KDM5B: variants seen among roughly 807,000 people sequenced by gnomAD.
KDM5B encodes the protein lysine demethylase 5B.
KDM5B carries 144 observed loss-of-function variants against 193.4 expected under a neutral mutation model. The ratio of observed to expected loss-of-function variants is 0.74; its 90% CI spans 0.65 to 0.86. The LOEUF (loss-of-function observed/expected upper bound fraction) is 0.86. Among genes scored for constraint, KDM5B ranks in the 40% least tolerant of loss-of-function variants. The pLI is 0.00. For synonymous variants in KDM5B, 668 were observed against 682.6 expected, an observed-to-expected ratio of 0.98 and a Z score of 0.33; for missense variants, 1,833 against 1,886.9, an observed-to-expected ratio of 0.97 and a Z score of 0.53.
At chr1:202,799,489 A>G (rs1216097843) in intron 1 of KDM5B, among the ~76,000 whole-genome samples, 1 of 152,054 alleles carries the variant, frequency 6.6e-6, no homozygotes, top group Non-Finnish European at 1.5e-5. Flanking sequence ...CCCCATCTCT[A>G]CTAAAAATAC....
In KDM5B at chr1:202,740,850, T is replaced by C. The variant is rs1314784594; in HGVS notation, c.2946-38A>G. 3.2e-6 allele frequency: 5 copies of C among 1,564,108 alleles called. No homozygotes were observed. In the Admixed American group the frequency reaches 9.2e-5, roughly 29 times the overall value. On this transcript the variant is annotated intron_variant, in intron 19 of 26. Coordinates refer to ENST00000367265, the MANE Select transcript of KDM5B (RefSeq NM_006618.5). ...AACAAAGACTTCTTAGCATTTTATA[T>C]GATGGTTCATTTTTCTTATGGTTAC...
intron 1 of KDM5B, among the ~76,000 whole-genome samples, chr1:202,786,713 T>C (rs1212640010): frequency 6.6e-6 from 1 of 152,224 alleles, no homozygotes; most frequent in Non-Finnish European, 1.5e-5. Context: ...TTTAAAATAA[T>C]TTTAATACAA....
At chr1:202,732,026 A>C in intron 23 of KDM5B, 87 bp from the exon 24 acceptor site, 9 of 670,852 alleles carry the variant, frequency 1.3e-5, no homozygotes, top group Non-Finnish European at 1.7e-5. Flanking sequence ...TGCATTACCC[A>C]GGCAGGCAAC....
At chr1:202,749,898 A>C (rs1231940606) in intron 13 of KDM5B, among the ~76,000 whole-genome samples, 4 of 152,220 alleles carry the variant, frequency 2.6e-5, no homozygotes, top group Non-Finnish European at 5.9e-5. Flanking sequence ...AACACCACTT[A>C]ATCTAGAACT....
chr1:202,790,324 C>T lies in KDM5B; in HGVS notation c.205-13230G>A, dbSNP rs978368416. Among the ~76,000 whole-genome samples the T allele has an allele frequency of 2.0e-5, 3 of 152,226 alleles. No individual in the cohort carries two copies. The East Asian group carries it at 5.8e-4, about 29-fold the overall frequency. ...CAAGGGCAGTGGCTCACGCTTGTAA[C>T]CTCAGCACTTTTGGAGGCCAACCAA... On this transcript the variant is annotated intron_variant, in intron 1 of 26. Transcript: ENST00000367265.
In KDM5B at chr1:202,727,499, TTATTA is replaced by T. The variant is rs1292986511; in HGVS notation, c.*1532_*1536del. ...ACAAACTGCTGTTTTTGTTGTTGTTTTATTAAAGACCCACCAGTTTTACTCATCTT... is the reference window on the plus strand; with the variant it reads ...ACAAACTGCTGTTTTTGTTGTTGTTTAAGACCCACCAGTTTTACTCATCTT... On this transcript the variant is annotated 3_prime_UTR_variant, in exon 27 of 27. Coordinates refer to ENST00000367265, the MANE Select transcript of KDM5B (RefSeq NM_006618.5). The T allele has an allele frequency of 6.6e-6, 1 of 152,654 alleles. No individual in the cohort carries two copies. The allele number at this position is 152,654 out of a possible 1,614,324, so 9.5% of individuals were successfully genotyped here.
intron 1 of KDM5B, among the ~76,000 whole-genome samples, chr1:202,799,149 G>A (rs1657972362): frequency 1.3e-5 from 2 of 152,192 alleles, no homozygotes; most frequent in Admixed American, 1.3e-4. Context: ...TGGGATTTAA[G>A]CTCCTTGCAA....
chr1:202,807,768 GA>G (rs1288234442), intron 1 of KDM5B, among the ~76,000 whole-genome samples: 1 of 151,390 alleles, frequency 6.6e-6, no homozygotes, highest in Non-Finnish European at 1.5e-5. Context: ...GCTCCGTGAG[GA>G]AACTCCCCCG....
chr1:202,730,862 C>G, intron 25 of KDM5B, 47 bp downstream of exon 25: 1 of 1,529,974 alleles, frequency 6.5e-7, no homozygotes, highest in Non-Finnish European at 8.8e-7. Flanking sequence ...TAAAGCATAC[C>G]CCCACCCCAG....
rs115440286 is a variant in KDM5B at position 202,732,494 on chromosome 1, G to A, written c.3910-555C>T. On this transcript the variant is annotated intron_variant, in intron 23 of 26. Transcript: ENST00000367265. ...TAAAGAACACCAATGACTCCACTTTGGGAGTGTGCACAAATGCCACAACTC... is the reference window on the plus strand; with the variant it reads ...TAAAGAACACCAATGACTCCACTTTAGGAGTGTGCACAAATGCCACAACTC... 5.8e-3 allele frequency among the ~76,000 whole-genome samples: 882 copies of A among 152,254 alleles called. 8 individuals carry two copies. Among genetic ancestry groups the A allele is most frequent in the African/African-American group, 0.021 (856 of 41,546 alleles).
chr1:202,765,979 G>A (rs1186923264), intron 5 of KDM5B, among the ~76,000 whole-genome samples: 1 of 152,184 alleles, frequency 6.6e-6, no homozygotes, highest in African/African-American at 2.4e-5. Flanking sequence ...AAGCTTCTCA[G>A]AGCAGAAAAA....
intron 6 of KDM5B, among the ~76,000 whole-genome samples, chr1:202,763,400 C>T (rs558167752): frequency 1.3e-5 from 2 of 152,182 alleles, no homozygotes; most frequent in South Asian, 4.1e-4. Flanking sequence ...CAAGAAACAT[C>T]TCTAAGGTTA....
At chr1:202,753,455 A>G (rs1655876448) in intron 11 of KDM5B, among the ~76,000 whole-genome samples, 1 of 152,128 alleles carries the variant, frequency 6.6e-6, no homozygotes, top group South Asian at 2.1e-4. Flanking sequence ...AGATCACACC[A>G]TTGCATTCCT....
At chr1:202,792,914 T>C (rs1007678106) in intron 1 of KDM5B, among the ~76,000 whole-genome samples, 1 of 151,762 alleles carries the variant, frequency 6.6e-6, no homozygotes, top group Non-Finnish European at 1.5e-5. Context: ...GGAGAATCGC[T>C]TGAACCCAGG....
Position 202,758,431 on chromosome 1 carries a change from G to C in KDM5B, c.1157C>G (p.Ala386Gly). 1 of 1,613,260 alleles carries C rather than the reference G, an allele frequency of 6.2e-7. No individual in the cohort carries two copies. Among genetic ancestry groups the C allele is most frequent in the Non-Finnish European group, 8.5e-7 (1 of 1,179,420 alleles). Reference protein sequence around the residue: ...DYTLRTFGEMADAFKSDYFNM... With the variant: ...DYTLRTFGEMGDAFKSDYFNM... ...GAAGTAATCAGATTTGAACGCATCT[G>C]CCATTTCCCCAAAAGTACGGAGGGT... is the stretch of plus-strand genomic sequence containing the variant. The change falls in exon 9 of 27, where the codon GCA (alanine) becomes GGA (glycine). Residue 386 changes from alanine (A) to glycine (G), a missense_variant. Physicochemically the swap from Ala to Gly is moderately conservative, Grantham distance 60 (BLOSUM62 0). Around this residue, in one of 3 missense-constraint regions of KDM5B, gnomAD observed 99 missense variants for 162.4 expected, o/e 0.61. Coordinates refer to ENST00000367265, the MANE Select transcript of KDM5B (RefSeq NM_006618.5).
chr1:202,761,831 G>A (rs1412505668), intron 7 of KDM5B, among the ~76,000 whole-genome samples: 3 of 152,090 alleles, frequency 2.0e-5, no homozygotes, highest in Admixed American at 2.0e-4. Context: ...CATCCTTATG[G>A]CAGCCACAGC....
At chr1:202,777,683 C>A (rs927082571) in intron 1 of KDM5B, among the ~76,000 whole-genome samples, 1 of 151,724 alleles carries the variant, frequency 6.6e-6, no homozygotes, top group African/African-American at 2.4e-5. Context: ...TTTTTAGAGA[C>A]GAGGTGTAGG....
intron 1 of KDM5B, among the ~76,000 whole-genome samples, chr1:202,785,203 T>TA (rs1251746899): frequency 2.6e-5 from 4 of 152,212 alleles, no homozygotes; most frequent in Non-Finnish European, 5.9e-5. Context: ...ATCTGACCTC[T>TA]AAACCTTACT....
chr1:202,756,225 C>T (rs1357342623), intron 10 of KDM5B, 133 bp downstream of exon 10: 1 of 746,684 alleles, frequency 1.3e-6, no homozygotes, highest in Non-Finnish European at 2.2e-6. Context: ...CTTCTGTAGG[C>T]TCTTTCTACT....
Sources: gnomAD v4.1 joint callset for allele counts (sites outside exome capture counted in the v4.1 genomes callset) on GRCh38, gnomAD v4.1.1 for gene constraint, gnomAD v4.1.1 regional missense constraint, MANE v1.5 for transcripts, NCBI Gene and HGNC (gene_info 2026-07-23, HGNC 2026-07-21) for gene names.